SBNO1: variants seen among roughly 807,000 people sequenced by gnomAD.
SBNO1 encodes the protein protein strawberry notch homolog 1.
Under a neutral mutation model 173.6 loss-of-function variants are expected in SBNO1, and 23 were observed. The observed-to-expected ratio is 0.13, with a 90% confidence interval of 0.10 to 0.19. The LOEUF is 0.19. SBNO1 is among the 10% of genes least tolerant of loss of function. SBNO1 has a pLI of 1.00. For missense variants in SBNO1, 1,238 were observed against 1,671.2 expected (o/e 0.74, Z 4.52); for synonymous variants, 632 against 571.5 (o/e 1.11, Z -1.51).
At chr12:123,347,620 C>G (rs1181954626) in intron 3 of SBNO1, among the ~76,000 whole-genome samples, 1 of 151,954 alleles carries the variant, frequency 6.6e-6, no homozygotes, top group Non-Finnish European at 1.5e-5. Context: ...CCTCCACTTC[C>G]TGGGTTCAAG....
At position 123,302,907 on chromosome 12, in the gene SBNO1, A is replaced by G. The variant is rs754892176; in HGVS notation, c.3769-7T>C. The G allele has an allele frequency of 1.2e-6, 2 of 1,605,482 alleles. No homozygotes were observed. Among genetic ancestry groups the G allele is most frequent in the Non-Finnish European group, 1.7e-6 (2 of 1,172,356 alleles). On this transcript the variant is annotated splice_polypyrimidine_tract_variant and splice_region_variant and intron_variant, in intron 29 of 31. Transcript: ENST00000602398. ...GGGCATCATCTGAGACGACCTGTAA[A>G]AATGAGAAGAATTTCATTGAAAACA...
intron 1 of SBNO1, among the ~76,000 whole-genome samples, chr12:123,363,106 A>T (rs1235514251): frequency 6.6e-6 from 1 of 152,078 alleles, no homozygotes; most frequent in African/African-American, 2.4e-5. Context: ...AAATAGCATA[A>T]ATATTCCAAA....
At chr12:123,317,958 T>A (rs1869483661) in intron 20 of SBNO1, among the ~76,000 whole-genome samples, 1 of 152,172 alleles carries the variant, frequency 6.6e-6, no homozygotes, top group African/African-American at 2.4e-5. Flanking sequence ...TAACATTATC[T>A]TTTTGTATAT....
intron 3 of SBNO1, among the ~76,000 whole-genome samples, chr12:123,346,733 T>C (rs2139060211): frequency 6.6e-6 from 1 of 152,186 alleles, no homozygotes; most frequent in East Asian, 1.9e-4. Flanking sequence ...TATTTTGACT[T>C]GTCATCAATG....
At chr12:123,346,030 T>C (rs1215733275) in intron 3 of SBNO1, among the ~76,000 whole-genome samples, 1 of 152,178 alleles carries the variant, frequency 6.6e-6, no homozygotes, top group African/African-American at 2.4e-5. Flanking sequence ...ACGGACAACT[T>C]TGACGAAAAG....
chr12:123,350,268 A>G (rs763776361), intron 2 of SBNO1, 42 bp downstream of exon 2: 4 of 1,608,304 alleles, frequency 2.5e-6, no homozygotes, highest in Non-Finnish European at 3.4e-6. Flanking sequence ...AAATACTGTA[A>G]GCGGAAATCA....
chr12:123,297,832 C>T, intron 31 of SBNO1, 146 bp downstream of exon 31: 1 of 704,386 alleles, frequency 1.4e-6, no homozygotes, highest in Non-Finnish European at 2.4e-6. Flanking sequence ...TCTGTTCAAC[C>T]TTGTAAGAAA....
intron 13 of SBNO1, 32 bp downstream of exon 13, chr12:123,327,390 TTAAA>T: frequency 4.5e-6 from 7 of 1,565,090 alleles, no homozygotes; most frequent in Non-Finnish European, 6.1e-6. Context: ...ATCAGATACA[TTAAA>T]TAAACACTAG....
At chr12:123,338,890 C>G (rs61953457) in intron 5 of SBNO1, among the ~76,000 whole-genome samples, 23 of 3,310 alleles carry the variant, frequency 6.9e-3, no homozygotes, top group Admixed American at 0.024. Flanking sequence ...ACACACACAC[C>G]CCGACACACA....
At chr12:123,310,051 GGTTT>G (rs1210637450) in intron 25 of SBNO1, among the ~76,000 whole-genome samples, 195 bp from the exon 26 acceptor site, 1 of 152,094 alleles carries the variant, frequency 6.6e-6, no homozygotes, top group East Asian at 1.9e-4. Flanking sequence ...GCTCAAAAGA[GGTTT>G]GTCAAATTGA....
intron 1 of SBNO1, among the ~76,000 whole-genome samples, chr12:123,361,072 CG>C (rs1252814851): frequency 6.6e-6 from 1 of 152,112 alleles, no homozygotes; most frequent in Non-Finnish European, 1.5e-5. Flanking sequence ...GGTAAAACCT[CG>C]TCTCTGCTAA....
At chr12:123,296,567 GT>G (rs1001510830) in intron 31 of SBNO1, among the ~76,000 whole-genome samples, 4 of 119,326 alleles carry the variant, frequency 3.4e-5, no homozygotes, top group African/African-American at 1.1e-4. Context: ...TTTTTTTTTT[GT>G]TTTTTTTTTC....
At chr12:123,333,123 CA>C (rs60476152) in intron 7 of SBNO1, among the ~76,000 whole-genome samples, 143,566 of 150,592 alleles carry the variant, frequency 0.95, 68,464 homozygotes, top group Non-Finnish European at 0.96. Flanking sequence ...GACTCCATCT[CA>C]AAAAAAAAAA....
chr12:123,304,633 C>G lies in SBNO1; in HGVS notation c.3717G>C (p.Gly1239=). Residue 1239 remains glycine, a synonymous_variant, in exon 29 of 32, where the codon GGG becomes GGC. Coordinates refer to ENST00000602398, the MANE Select transcript of SBNO1 (RefSeq NM_001167856.3). The part of the protein sequence containing the change: ...KLFLVYRPNT[G]KQLKLEIYAD... ...CATAAATTTCTAATTTGAGCTGCTTCCCAGTATTTGGTCGATAAACTAAGA... is the reference window on the plus strand; with the variant it reads ...CATAAATTTCTAATTTGAGCTGCTTGCCAGTATTTGGTCGATAAACTAAGA... 2.5e-6 allele frequency: 4 copies of G among 1,574,652 alleles called. No individual in the cohort carries two copies. The highest frequency in any genetic ancestry group is 3.5e-6 in the Non-Finnish European group (4 of 1,145,338).
Position 123,290,448 on chromosome 12 carries a change from T to C in SBNO1, c.*5460A>G, listed in dbSNP as rs2048494455. 6.6e-6 allele frequency: 1 copy of C among 152,162 alleles called. No individual in the cohort carries two copies. Among genetic ancestry groups the C allele is most frequent in the African/African-American group, 2.4e-5 (1 of 41,426 alleles). The allele number at this position is 152,162 out of a possible 1,614,324, so 9.4% of individuals were successfully genotyped here. A position where few individuals can be genotyped will look rare whatever the true frequency, so the allele number is the denominator to read the frequency against. ...TGCAAAATTGTGAACAAATACCCAA[T>C]GTCTGCCTCCCGGGTGCTCAACACC... On this transcript the variant is annotated 3_prime_UTR_variant, in exon 32 of 32. Coordinates refer to ENST00000602398, the MANE Select transcript of SBNO1 (RefSeq NM_001167856.3).
At chr12:123,331,162 C>A (rs1231806800) in intron 8 of SBNO1, 80 bp downstream of exon 8, 20 of 1,409,432 alleles carry the variant, frequency 1.4e-5, no homozygotes, top group Non-Finnish European at 1.8e-5. Flanking sequence ...CGGAGTTTCA[C>A]TGTGTTAGCC....
intron 1 of SBNO1, among the ~76,000 whole-genome samples, chr12:123,352,473 G>C (rs936076022): frequency 1.3e-5 from 2 of 151,984 alleles, no homozygotes; most frequent in Non-Finnish European, 2.9e-5. Context: ...TTTGTATTTA[G>C]TAGAGACAGG....
intron 7 of SBNO1, among the ~76,000 whole-genome samples, chr12:123,333,398 G>A (rs1389855901): frequency 1.3e-5 from 2 of 152,122 alleles, no homozygotes; most frequent in African/African-American, 4.8e-5. Flanking sequence ...TCCAGCTGGA[G>A]GGACAAAAGG....
intron 6 of SBNO1, among the ~76,000 whole-genome samples, chr12:123,334,598 C>T (rs1349144378): frequency 6.6e-6 from 1 of 152,136 alleles, no homozygotes; most frequent in Non-Finnish European, 1.5e-5. Flanking sequence ...ATTCCAGCTA[C>T]TCAGGAGGCT....
Sources: allele counts gnomAD v4.1 joint callset (sites outside exome capture counted in the v4.1 genomes callset), GRCh38; gene constraint gnomAD v4.1.1; transcripts MANE v1.5; gene names NCBI Gene and HGNC (gene_info 2026-07-23, HGNC 2026-07-21).